Variants in BTRC observed in about 807,000 individuals in gnomAD.
BTRC encodes the protein F-box/WD repeat-containing protein 1A.
A neutral mutation model predicts 85.5 loss-of-function variants in BTRC; 42 were observed. The ratio of observed to expected loss-of-function variants is 0.49; its 90% CI spans 0.38 to 0.64. BTRC has a LOEUF of 0.64. Ranked by LOEUF, BTRC falls within the 30% of genes least tolerant of loss-of-function variation. BTRC has a pLI of 0.00. For synonymous variants in BTRC, 255 were observed against 263.3 expected (o/e 0.97, Z 0.30); for missense variants, 594 against 743.5 (o/e 0.80, Z 2.34).
Position 101,510,524 on chromosome 10 carries a change from A to AG in BTRC, c.325-11115_325-11114insG, listed in dbSNP as rs151116235. 2.9e-3 allele frequency among the ~76,000 whole-genome samples: 446 copies of AG among 151,894 alleles called. 2 individuals carry two copies. The highest frequency in any genetic ancestry group is 0.01 in the African/African-American group (432 of 41,490). ...GACTCCATCTTAAAAAAAAACAAAA[A>AG]AAAAAGTCGTTGTTAGATGTTTATT... On this transcript the variant is annotated intron_variant, in intron 4 of 14. Transcript: ENST00000370187.
At chr10:101,390,498 T>C (rs1943210099) in intron 1 of BTRC, among the ~76,000 whole-genome samples, 3 of 109,250 alleles carry the variant, frequency 2.7e-5, no homozygotes, top group Middle Eastern at 0.011. Flanking sequence ...CCACCACGCC[T>C]AATTTTTTGT....
chr10:101,445,758 C>T (rs1201153684), intron 2 of BTRC, among the ~76,000 whole-genome samples: 2 of 152,108 alleles, frequency 1.3e-5, no homozygotes. Flanking sequence ...TGATTATAGC[C>T]CCAGCAGAAT....
chr10:101,379,702 C>A (rs1020370301), intron 1 of BTRC, among the ~76,000 whole-genome samples: 2 of 151,956 alleles, frequency 1.3e-5, no homozygotes, highest in Non-Finnish European at 2.9e-5. Flanking sequence ...CTGTTACAGT[C>A]TCTGTAACAA....
chr10:101,529,376 A>C (rs1052855439), intron 6 of BTRC, among the ~76,000 whole-genome samples: 1 of 152,230 alleles, frequency 6.6e-6, no homozygotes, highest in Non-Finnish European at 1.5e-5. Context: ...GTATCATTGC[A>C]TAGGAAGAAA....
intron 2 of BTRC, among the ~76,000 whole-genome samples, chr10:101,434,123 G>C (rs776970286): frequency 6.6e-5 from 10 of 152,122 alleles, no homozygotes; most frequent in Non-Finnish European, 1.3e-4. Context: ...AAGACAGCTG[G>C]ATTCTCATGT....
At chr10:101,544,483 C>T (rs1483046704) in intron 13 of BTRC, among the ~76,000 whole-genome samples, 1 of 150,626 alleles carries the variant, frequency 6.6e-6, no homozygotes, top group Non-Finnish European at 1.5e-5. Flanking sequence ...GATCATAGCT[C>T]ACTGCAGCCT....
At chr10:101,357,862 A>AT (rs1202372910) in intron 1 of BTRC, among the ~76,000 whole-genome samples, 1 of 152,236 alleles carries the variant, frequency 6.6e-6, no homozygotes, top group Non-Finnish European at 1.5e-5. Context: ...AAACAAATAA[A>AT]TGATATTGAA....
At chr10:101,494,747 C>G in intron 4 of BTRC, among the ~76,000 whole-genome samples, 1 of 152,174 alleles carries the variant, frequency 6.6e-6, no homozygotes, top group South Asian at 2.1e-4. Context: ...GTATTTCTGG[C>G]TGCATTCCCA....
intron 1 of BTRC, among the ~76,000 whole-genome samples, chr10:101,374,065 A>T (rs1942718187): frequency 6.6e-6 from 1 of 152,178 alleles, no homozygotes; most frequent in Non-Finnish European, 1.5e-5. Flanking sequence ...AGTATCCATG[A>T]TAAGAGGTTA....
intron 13 of BTRC, among the ~76,000 whole-genome samples, chr10:101,546,403 A>T (rs947119993): frequency 1.3e-5 from 2 of 151,716 alleles, no homozygotes; most frequent in Admixed American, 1.3e-4. Flanking sequence ...ATTGAAATGT[A>T]TTTTTTTTTA....
At chr10:101,483,669 A>G (rs777072254) in intron 4 of BTRC, among the ~76,000 whole-genome samples, 28 of 151,884 alleles carry the variant, frequency 1.8e-4, no homozygotes, top group Non-Finnish European at 5.9e-5. Context: ...AGGCATTGAG[A>G]TACCTTTTTG....
At chr10:101,354,070 A>G (rs1941954758), upstream of BTRC, 1 of 1,312,238 alleles carries the variant, frequency 7.6e-7, no homozygotes, top group East Asian at 2.6e-5. Flanking sequence ...CTGAGAGGTA[A>G]GAGAGGGCGG....
chr10:101,533,651 A>G (rs769952513), intron 9 of BTRC, among the ~76,000 whole-genome samples: 7 of 152,166 alleles, frequency 4.6e-5, no homozygotes, highest in Non-Finnish European at 8.8e-5. Flanking sequence ...TCTGTTAGGA[A>G]TTTTGCCGTA....
intron 1 of BTRC, among the ~76,000 whole-genome samples, chr10:101,410,136 A>G (rs1443246859): frequency 2.0e-5 from 3 of 152,150 alleles, no homozygotes; most frequent in African/African-American, 7.2e-5. Flanking sequence ...TTGAGACTGG[A>G]CAGGAGTTTA....
At chr10:101,497,404 A>C (rs1341166756) in intron 4 of BTRC, among the ~76,000 whole-genome samples, 4 of 152,200 alleles carry the variant, frequency 2.6e-5, no homozygotes, top group Non-Finnish European at 5.9e-5. Context: ...ATTTGTTTAA[A>C]TATGAATATA....
intron 8 of BTRC, 26 bp from the exon 9 acceptor site, chr10:101,532,926 C>G (rs1222700934): frequency 1.3e-6 from 2 of 1,551,784 alleles, no homozygotes; most frequent in Non-Finnish European, 1.8e-6. Flanking sequence ...TCACATTGAT[C>G]AAAAGGATCT....
intron 1 of BTRC, 72 bp from the exon 2 acceptor site, chr10:101,430,273 C>T: frequency 1.0e-6 from 1 of 1,000,222 alleles, no homozygotes; most frequent in Non-Finnish European, 1.5e-6. Flanking sequence ...TTCAGCCAAG[C>T]CTTAAAAATT....
intron 2 of BTRC, among the ~76,000 whole-genome samples, chr10:101,441,708 A>C (rs1944682387): frequency 6.6e-6 from 1 of 151,936 alleles, no homozygotes; most frequent in African/African-American, 2.4e-5. Context: ...GGTGAAACCC[A>C]GTCACTACTA....
intron 4 of BTRC, among the ~76,000 whole-genome samples, chr10:101,501,050 G>A (rs953382385): frequency 1.3e-5 from 2 of 152,180 alleles, no homozygotes; most frequent in Middle Eastern, 6.8e-3. Flanking sequence ...CAAAAAATTA[G>A]CCAGGCATGG....
Sources: allele counts gnomAD v4.1 joint callset (sites outside exome capture counted in the v4.1 genomes callset), GRCh38; gene constraint gnomAD v4.1.1; transcripts MANE v1.5; gene names NCBI Gene and HGNC (gene_info 2026-07-23, HGNC 2026-07-21).